Variants in NME8 observed in about 807,000 individuals in gnomAD.
The protein encoded by NME8 is protein NME8.
A neutral mutation model predicts 82.3 loss-of-function variants in NME8; 72 were observed. The ratio of observed to expected loss-of-function variants is 0.87; its 90% CI spans 0.72 to 1.06. The LOEUF is 1.06. NME8 is among the 50% of genes least tolerant of loss of function. The pLI is 0.00. For missense variants in NME8, 712 were observed against 685.4 expected (o/e 1.04, Z -0.43); for synonymous variants, 267 against 228.5 (o/e 1.17, Z -1.52).
chr7:37,897,051 G>A lies in NME8; in HGVS notation c.1726G>A (p.Glu576Lys). Residue 576 changes from glutamate to lysine, a missense_variant, in exon 17 of 18, where the codon GAG becomes AAG. Coordinates refer to ENST00000199447, the MANE Select transcript of NME8 (RefSeq NM_016616.5). ...AGCATCTAACGCCTATGAAGCAAAA[G>A]AGGTTGTTAATAGACTCTTTGAGGA... ...HGASNAYEAK[E>K]VVNRLFEDPE... The A allele has an allele frequency of 6.2e-7, 1 of 1,613,908 alleles. No individual in the cohort carries two copies. The highest frequency in any genetic ancestry group is 1.1e-5 in the South Asian group (1 of 91,082).
chr7:37,858,251 A>G (rs1403504203), intron 6 of NME8, among the ~76,000 whole-genome samples: 1 of 152,128 alleles, frequency 6.6e-6, no homozygotes, highest in Non-Finnish European at 1.5e-5. Context: ...GTGGATATTT[A>G]TTTTTGATAT....
intron 10 of NME8, among the ~76,000 whole-genome samples, chr7:37,866,763 G>A (rs951554810): frequency 4.6e-5 from 7 of 152,182 alleles, no homozygotes; most frequent in African/African-American, 1.2e-4. Flanking sequence ...TTAAGGACAC[G>A]CCCATGACAC....
chr7:37,864,292 A>T (rs1784641133), intron 8 of NME8, 56 bp from the exon 9 acceptor site: 4 of 1,546,224 alleles, frequency 2.6e-6, no homozygotes, highest in East Asian at 2.3e-5. Context: ...ATCCTTCATT[A>T]TCCAGACTTC....
chr7:37,888,499 A>G, intron 15 of NME8, 71 bp downstream of exon 15: 1 of 1,453,440 alleles, frequency 6.9e-7, no homozygotes, highest in African/African-American at 1.4e-5. Flanking sequence ...AAAATTTACA[A>G]TCAGAAAAGC....
In NME8 at chr7:37,893,913, A is replaced by G. The variant is rs144449598; in HGVS notation, c.1400-553A>G. ...TCATATTGCCTTTAGCTCCCAGACC[A>G]CTCTATGTGCTTTTGATCTGGAGCA... On this transcript the variant is annotated intron_variant, in intron 15 of 17. Transcript: ENST00000199447. Among the ~76,000 whole-genome samples, 434 of 151,744 alleles carry G rather than the reference A, an allele frequency of 2.9e-3. 2 individuals are homozygous for G. Among genetic ancestry groups the G allele is most frequent in the Admixed American group, 6.9e-3 (105 of 15,214 alleles).
At chr7:37,880,468 T>A (rs560829250) in intron 12 of NME8, among the ~76,000 whole-genome samples, 13 of 152,354 alleles carry the variant, frequency 8.5e-5, no homozygotes, top group Admixed American at 5.9e-4. Context: ...CTTCCTCCAT[T>A]GTATTGCCTT....
chr7:37,864,617 T>C (rs1167314858), intron 9 of NME8, among the ~76,000 whole-genome samples, 196 bp downstream of exon 9: 2 of 152,214 alleles, frequency 1.3e-5, no homozygotes, highest in Admixed American at 6.5e-5. Flanking sequence ...TAAATGATCC[T>C]ACTCTACCAG....
Position 37,864,388 on chromosome 7 carries a change from GA to G in NME8, c.496del (p.Ile166LeufsTer6), listed in dbSNP as rs773318395. 1.1e-5 allele frequency: 18 copies of G among 1,589,560 alleles called. No individual in the cohort carries two copies. The highest frequency in any genetic ancestry group is 1.5e-5 in the Non-Finnish European group (17 of 1,161,264). ...TTGCTATTATCAAACCGGATGCTGT[GA>G]TTAGTAAAAAAGTTCTAGAAATTAA... ...SIAIIKPDAV[I>X]SKKVLEIKRK... On this transcript the variant is annotated frameshift_variant, in exon 9 of 18. Coordinates refer to ENST00000199447, the MANE Select transcript of NME8 (RefSeq NM_016616.5). LOFTEE classifies it high-confidence loss of function.
intron 11 of NME8, among the ~76,000 whole-genome samples, chr7:37,873,277 T>C (rs1228063636): frequency 6.7e-6 from 1 of 149,480 alleles, no homozygotes; most frequent in Admixed American, 6.8e-5. Context: ...GGAGAATTGC[T>C]TGAACCCAGG....
intron 15 of NME8, among the ~76,000 whole-genome samples, chr7:37,889,563 G>A (rs1339206355): frequency 6.6e-6 from 1 of 151,712 alleles, no homozygotes; most frequent in Non-Finnish European, 1.5e-5. Flanking sequence ...TATCATTATT[G>A]ATTATTGATA....
At chr7:37,886,908 G>C (rs1785049474) in intron 14 of NME8, among the ~76,000 whole-genome samples, 1 of 151,930 alleles carries the variant, frequency 6.6e-6, no homozygotes. Flanking sequence ...ATGAGTCATT[G>C]AGACTAGAGA....
At chr7:37,872,707 C>T (rs1784786342) in intron 11 of NME8, among the ~76,000 whole-genome samples, 1 of 152,074 alleles carries the variant, frequency 6.6e-6, no homozygotes, top group Non-Finnish European at 1.5e-5. Flanking sequence ...AGTCTGCAAT[C>T]TGGATAATAT....
chr7:37,876,216 C>CTATATATA (rs57828103), intron 11 of NME8, among the ~76,000 whole-genome samples: 1 of 143,186 alleles, frequency 7.0e-6, no homozygotes, highest in Admixed American at 7.1e-5. Flanking sequence ...CAAAAAAACA[C>CTATATATA]TATATATATA....
chr7:37,882,634 AG>A (rs1370986606), intron 12 of NME8, among the ~76,000 whole-genome samples: 4 of 61,556 alleles, frequency 6.5e-5, no homozygotes, highest in African/African-American at 1.4e-4. Context: ...AAAGAAAGAA[AG>A]AAAGAAAGAG....
At chr7:37,888,567 C>T (rs1785078845) in intron 15 of NME8, 139 bp downstream of exon 15, 1 of 695,424 alleles carries the variant, frequency 1.4e-6, no homozygotes, top group African/African-American at 1.8e-5. Context: ...TCCTATCCTT[C>T]ATTTAGATTC....
intron 14 of NME8, among the ~76,000 whole-genome samples, chr7:37,887,664 C>T (rs1785064898): frequency 6.6e-6 from 1 of 152,138 alleles, no homozygotes; most frequent in Admixed American, 6.5e-5. Context: ...TCAGTCTGTT[C>T]TCATGCTGCT....
chr7:37,879,875 T>G (rs1443187299), intron 12 of NME8, among the ~76,000 whole-genome samples: 1 of 152,230 alleles, frequency 6.6e-6, no homozygotes, highest in African/African-American at 2.4e-5. Context: ...TGTCAGTTTT[T>G]GGGAGTTTAG....
chr7:37,874,348 A>C (rs1041100959), intron 11 of NME8, among the ~76,000 whole-genome samples: 5 of 152,312 alleles, frequency 3.3e-5, no homozygotes, highest in African/African-American at 1.2e-4. Context: ...TGTATGTGGC[A>C]AAATGGTTCA....
chr7:37,877,976 T>G (rs1784883156), intron 12 of NME8, among the ~76,000 whole-genome samples: 1 of 152,356 alleles, frequency 6.6e-6, no homozygotes, highest in Admixed American at 6.5e-5. Flanking sequence ...TATTTCTTTT[T>G]CTTTCCTCAT....
Sources: allele counts gnomAD v4.1 joint callset (sites outside exome capture counted in the v4.1 genomes callset), GRCh38; gene constraint gnomAD v4.1.1; transcripts MANE v1.5; gene names NCBI Gene and HGNC (gene_info 2026-07-23, HGNC 2026-07-21).